MARK1: variants seen among roughly 807,000 people sequenced by gnomAD.
MARK1 encodes serine/threonine-protein kinase MARK1.
In MARK1, 40 loss-of-function variants were observed where a neutral mutation model predicts 96.3. The ratio of observed to expected loss-of-function variants is 0.42; its 90% CI spans 0.32 to 0.54. MARK1 has a LOEUF of 0.54. Among genes scored for constraint, MARK1 ranks in the 20% least tolerant of loss-of-function variants. The probability of loss-of-function intolerance (pLI) is 0.16; values close to 1 mark genes in which losing one functional copy is unlikely to be tolerated. For synonymous variants in MARK1, 317 were observed against 341.2 expected (o/e 0.93, Z 0.78); for missense variants, 719 against 984.6 (o/e 0.73, Z 3.61).
Position 220,606,738 on chromosome 1 carries a change from A to G in MARK1, c.495+2601A>G, listed in dbSNP as rs1021414213. On this transcript the variant is annotated intron_variant, in intron 6 of 17. Coordinates refer to ENST00000366917, the MANE Select transcript of MARK1 (RefSeq NM_018650.5). ...GGGATCCAGTTTCAGCTTTCTACAT[A>G]TGGCTAGCCAGTTTTCCCAGCACCA... Among the ~76,000 whole-genome samples the G allele has an allele frequency of 1.2e-4, 19 of 152,134 alleles. 1 individual carries two copies. Among genetic ancestry groups the G allele is most frequent in the Admixed American group, 1.2e-3 (19 of 15,284 alleles).
chr1:220,539,994 A>C lies in MARK1; in HGVS notation c.51+11121A>C, dbSNP rs561891202. ...TTTAGTATAATTCACTAGTGAAGCC[A>C]TCTGGTCTTGGGCTTATCGTTGTTG... On this transcript the variant is annotated intron_variant, in intron 1 of 17. Transcript: ENST00000366917. 3.3e-5 allele frequency among the ~76,000 whole-genome samples: 5 copies of C among 152,224 alleles called. No homozygotes were observed. In the East Asian group the frequency reaches 9.7e-4, roughly 29 times the overall value.
rs376906148 is a variant in MARK1, at chr1:220,595,981, A to G, written c.310-2350A>G. Reference sequence around the variant, plus strand: ...GCTTGACAGACATATGGAGCTGGGGAAAACCAGTATCAAATTTGATGTGAG... The same window carrying G: ...GCTTGACAGACATATGGAGCTGGGGGAAACCAGTATCAAATTTGATGTGAG... On this transcript the variant is annotated intron_variant, in intron 3 of 17. Coordinates refer to ENST00000366917, the MANE Select transcript of MARK1 (RefSeq NM_018650.5). 6.6e-5 allele frequency among the ~76,000 whole-genome samples: 10 copies of G among 152,334 alleles called. No homozygotes were observed. In the East Asian group the frequency reaches 1.7e-3, roughly 26 times the overall value.
In MARK1 at chr1:220,632,224, G is replaced by A. The variant is rs779628864; in HGVS notation, c.1033G>A (p.Ala345Thr). The change falls in exon 11 of 18, where the codon GCA becomes ACA. Residue 345 changes from alanine to threonine, a missense_variant. Coordinates refer to ENST00000366917, the MANE Select transcript of MARK1 (RefSeq NM_018650.5). The stretch of plus-strand genomic sequence containing the variant: ...AGACATTATGGTCACCATGGGCTTT[G>A]CACGAGATGAAATAAATGATGCCTT... Reference protein sequence around the residue: ...RIDIMVTMGFARDEINDALIN... With the variant: ...RIDIMVTMGFTRDEINDALIN... The A allele has an allele frequency of 6.6e-7, 1 of 1,517,268 alleles. No homozygotes were observed. Among genetic ancestry groups the A allele is most frequent in the Non-Finnish European group, 8.9e-7 (1 of 1,128,766 alleles). 94.0% of individuals were successfully genotyped at this position (1,517,268 alleles called of 1,614,324 possible).
At chr1:220,567,749 G>A (rs1353149433) in intron 1 of MARK1, among the ~76,000 whole-genome samples, 1 of 152,078 alleles carries the variant, frequency 6.6e-6, no homozygotes, top group East Asian at 1.9e-4. Context: ...TTGACTTATA[G>A]GTAATAACAA....
At chr1:220,541,336 A>T (rs1661134083) in intron 1 of MARK1, among the ~76,000 whole-genome samples, 2 of 152,092 alleles carry the variant, frequency 1.3e-5, no homozygotes, top group South Asian at 4.2e-4. Flanking sequence ...TATTTTTGTT[A>T]TCTGTCCTGG....
At chr1:220,585,058 A>G (rs1002519550) in intron 3 of MARK1, among the ~76,000 whole-genome samples, 2 of 152,236 alleles carry the variant, frequency 1.3e-5, no homozygotes, top group African/African-American at 2.4e-5. Context: ...AATGATATGT[A>G]GACTGCATAA....
In MARK1 at chr1:220,656,553, C is replaced by T. The variant is rs545043503; in HGVS notation, c.1989-1237C>T. On this transcript the variant is annotated intron_variant, in intron 16 of 17. Coordinates refer to ENST00000366917, the MANE Select transcript of MARK1 (RefSeq NM_018650.5). ...TTGCTTGCCAAGTTGGTATACTGCCCATCTGTGTATATCAGTTCATCTACA... is the reference window on the plus strand; with the variant it reads ...TTGCTTGCCAAGTTGGTATACTGCCTATCTGTGTATATCAGTTCATCTACA... Among the ~76,000 whole-genome samples, 28 of 152,262 alleles carry T rather than the reference C, an allele frequency of 1.8e-4. No individual in the cohort carries two copies. The South Asian group carries it at 5.2e-3, about 28-fold the overall frequency.
chr1:220,620,865 C>G (rs1667018835), intron 9 of MARK1, among the ~76,000 whole-genome samples: 1 of 151,960 alleles, frequency 6.6e-6, no homozygotes, highest in African/African-American at 2.4e-5. Flanking sequence ...CTTCACAGTT[C>G]CCAGAAATGA....
chr1:220,555,883 A>G (rs1662209909), intron 1 of MARK1, among the ~76,000 whole-genome samples: 1 of 152,214 alleles, frequency 6.6e-6, no homozygotes, highest in Non-Finnish European at 1.5e-5. Flanking sequence ...GGAGAGTACC[A>G]AAAACATAGT....
At chr1:220,646,537 C>T (rs1362293677) in intron 13 of MARK1, among the ~76,000 whole-genome samples, 1 of 152,102 alleles carries the variant, frequency 6.6e-6, no homozygotes, top group Non-Finnish European at 1.5e-5. Context: ...ACATTCTTCA[C>T]AGAATTAGAA....
At chr1:220,604,025 A>T (rs755661920) in intron 5 of MARK1, 42 bp from the exon 6 acceptor site, 1 of 1,310,644 alleles carries the variant, frequency 7.6e-7, no homozygotes, top group Non-Finnish European at 1.1e-6. Flanking sequence ...TTAACCAAAA[A>T]TCTATGTATA....
At chr1:220,623,850 G>A (rs1667173291) in intron 9 of MARK1, among the ~76,000 whole-genome samples, 1 of 152,186 alleles carries the variant, frequency 6.6e-6, no homozygotes, top group Non-Finnish European at 1.5e-5. Context: ...CTTCTGCCAT[G>A]ACTTTGCACC....
intron 17 of MARK1, among the ~76,000 whole-genome samples, chr1:220,659,869 C>A (rs940190584): frequency 6.6e-6 from 1 of 152,170 alleles, no homozygotes; most frequent in African/African-American, 2.4e-5. Context: ...CAGCTCACTG[C>A]AACCTCCACC....
chr1:220,571,237 A>G (rs1663429458), intron 1 of MARK1, among the ~76,000 whole-genome samples: 2 of 152,176 alleles, frequency 1.3e-5, no homozygotes, highest in Non-Finnish European at 2.9e-5. Context: ...TGTACTAGTC[A>G]CTATATTGAA....
intron 1 of MARK1, among the ~76,000 whole-genome samples, chr1:220,565,379 C>T (rs980957755): frequency 5.9e-5 from 9 of 152,224 alleles, no homozygotes; most frequent in Non-Finnish European, 1.2e-4. Context: ...TGGTAATATC[C>T]AGAGAATACT....
At chr1:220,626,650 C>G (rs930856532) in intron 9 of MARK1, 13 of 347,984 alleles carry the variant, frequency 3.7e-5, no homozygotes, top group South Asian at 3.1e-4. Flanking sequence ...GGTGAAACCC[C>G]GCATCTACTA....
At chr1:220,566,834 C>CT (rs1258534086) in intron 1 of MARK1, among the ~76,000 whole-genome samples, 1 of 152,048 alleles carries the variant, frequency 6.6e-6, no homozygotes, top group African/African-American at 2.4e-5. Context: ...GTGTTGAATG[C>CT]TTTTTTAGAC....
At chr1:220,548,945 T>A (rs1373160464) in intron 1 of MARK1, among the ~76,000 whole-genome samples, 1 of 152,162 alleles carries the variant, frequency 6.6e-6, no homozygotes, top group South Asian at 2.1e-4. Flanking sequence ...TTGTAATAAA[T>A]CCTGGCAAGT....
At position 220,606,318 on chromosome 1, in the gene MARK1, T is replaced by G. The variant is rs186836871; in HGVS notation, c.495+2181T>G. On this transcript the variant is annotated intron_variant, in intron 6 of 17. Transcript: ENST00000366917. ...CATGTGTCTGTTGGCTGCATAGATGTCTTGTTTTGAGAAGTGTCTGTTCAT... is the reference window on the plus strand; with the variant it reads ...CATGTGTCTGTTGGCTGCATAGATGGCTTGTTTTGAGAAGTGTCTGTTCAT... 3.6e-3 allele frequency among the ~76,000 whole-genome samples: 553 copies of G among 152,242 alleles called. 5 individuals carry two copies. The highest frequency in any genetic ancestry group is 0.013 in the African/African-American group (522 of 41,536).
Sources: gnomAD v4.1 joint callset for allele counts (sites outside exome capture counted in the v4.1 genomes callset) on GRCh38, gnomAD v4.1.1 for gene constraint, MANE v1.5 for transcripts, NCBI Gene and HGNC (gene_info 2026-07-23, HGNC 2026-07-21) for gene names.